Variants in UNC13A observed in about 807,000 individuals in gnomAD.
UNC13A encodes the protein protein unc-13 homolog A.
A neutral mutation model predicts 219.7 loss-of-function variants in UNC13A; 61 were observed. That is an observed-to-expected ratio of 0.28 (90% CI 0.23 to 0.34). The LOEUF (loss-of-function observed/expected upper bound fraction) is 0.34, where lower values mean the gene tolerates loss of function less well. Ranked by LOEUF, UNC13A falls within the 10% of genes least tolerant of loss-of-function variation. UNC13A has a pLI of 1.00. For synonymous variants in UNC13A, 920 were observed against 884.6 expected (o/e 1.04, Z -0.71); for missense variants, 1,476 against 2,270.3 (o/e 0.65, Z 7.11).
chr19:17,606,195 G>A lies in UNC13A; in HGVS notation c.4971C>T (p.Arg1657=). Residue 1657 remains arginine (R), a synonymous_variant, in exon 44 of 44, where the codon CGC becomes CGT. Coordinates refer to ENST00000519716, the MANE Select transcript of UNC13A (RefSeq NM_001080421.3). The part of the protein sequence containing the change: ...GSAACWLPLG[R]RIHMDDTGLT... ...GGCCCGTGTCGTCCATGTGGATGCG[G>A]CGGCCGAGCGGCAGCCAGCAGGCGG... The A allele has an allele frequency of 6.4e-7, 1 of 1,552,568 alleles. No homozygotes were observed. The highest frequency in any genetic ancestry group is 8.7e-7 in the Non-Finnish European group (1 of 1,151,188).
rs1222988297 is a variant in UNC13A, at chr19:17,603,657, T to A, written c.*2397A>T. 1 of 152,254 alleles carries A rather than the reference T, an allele frequency of 6.6e-6. No homozygotes were observed. The highest frequency in any genetic ancestry group is 1.9e-4 in the East Asian group (1 of 5,206). 9.4% of individuals were successfully genotyped at this position (152,254 alleles called of 1,614,324 possible). A position where few individuals can be genotyped will look rare whatever the true frequency, so the allele number is the denominator to read the frequency against. ...CTTCCAGACACTTGGGCCATTCACATGTCGGGAAACCAACGTCACAAACAT... is the reference window on the plus strand; with the variant it reads ...CTTCCAGACACTTGGGCCATTCACAAGTCGGGAAACCAACGTCACAAACAT... On this transcript the variant is annotated 3_prime_UTR_variant, in exon 44 of 44. Coordinates refer to ENST00000519716, the MANE Select transcript of UNC13A (RefSeq NM_001080421.3).
At chr19:17,660,707 T>A (rs1304726821) in intron 8 of UNC13A, among the ~76,000 whole-genome samples, 1 of 151,876 alleles carries the variant, frequency 6.6e-6, no homozygotes, top group East Asian at 1.9e-4. Flanking sequence ...AATTTTTGTA[T>A]TTTTAGTAGA....
chr19:17,611,679 CAAAA>C (rs1568498501), intron 42 of UNC13A, 80 bp downstream of exon 42: 1 of 1,281,824 alleles, frequency 7.8e-7, no homozygotes, highest in African/African-American at 1.5e-5. Flanking sequence ...ACAACAACAA[CAAAA>C]AAAGGGTGTT....
chr19:17,620,045 C>T (rs1156842298), intron 38 of UNC13A, among the ~76,000 whole-genome samples: 3 of 152,326 alleles, frequency 2.0e-5, no homozygotes, highest in South Asian at 2.1e-4. Context: ...CTAAGGGAGA[C>T]GGGGTCCCAG....
chr19:17,620,535 C>A (rs1026134678), intron 38 of UNC13A, among the ~76,000 whole-genome samples, 158 bp downstream of exon 38: 1 of 151,826 alleles, frequency 6.6e-6, no homozygotes, highest in Non-Finnish European at 1.5e-5. Context: ...CCCACCACCC[C>A]CCACGAGCAA....
chr19:17,668,216 C>G (rs1020454146), intron 5 of UNC13A, 26 bp from the exon 6 acceptor site: 23 of 1,605,456 alleles, frequency 1.4e-5, no homozygotes, highest in Non-Finnish European at 1.9e-5. Flanking sequence ...TGTCTGTGAG[C>G]CTGGAAGACC....
chr19:17,674,318 C>T lies in UNC13A; in HGVS notation c.152+339G>A, dbSNP rs1430967553. Among the ~76,000 whole-genome samples the T allele has an allele frequency of 6.6e-6, 1 of 152,130 alleles. No individual in the cohort carries two copies. The highest frequency in any genetic ancestry group is 6.6e-5 in the Admixed American group (1 of 15,266). The stretch of plus-strand genomic sequence containing the variant: ...GTTTTATTGTGAGGTCGATGAGCCA[C>T]GGACAAGTTTGGAACATGGGAGCGA... On this transcript the variant is annotated intron_variant, in intron 3 of 43. Transcript: ENST00000519716. The surrounding 1 kb of genome is among the most constrained non-coding windows in gnomAD (Gnocchi z 5.0).
At chr19:17,651,133 T>C (rs1281908505) in intron 12 of UNC13A, among the ~76,000 whole-genome samples, 1 of 151,756 alleles carries the variant, frequency 6.6e-6, no homozygotes, top group African/African-American at 2.4e-5. Context: ...GATATGGGGT[T>C]TCACCATGTT....
chr19:17,659,562 G>A (rs191445674), intron 8 of UNC13A, among the ~76,000 whole-genome samples: 15 of 152,330 alleles, frequency 9.8e-5, no homozygotes, highest in Admixed American at 9.2e-4. Context: ...GAGCCCAGGA[G>A]TTCAAGATCA....
At position 17,649,120 on chromosome 19, in the gene UNC13A, C is replaced by A; in HGVS notation, c.1525-137G>T. The A allele has an allele frequency of 8.5e-7, 1 of 1,182,266 alleles. No individual in the cohort carries two copies. 73.2% of individuals were successfully genotyped at this position (1,182,266 alleles called of 1,614,324 possible). On this transcript the variant is annotated intron_variant, in intron 14 of 43. Transcript: ENST00000519716. The surrounding 1 kb of genome is among the most constrained non-coding windows in gnomAD (Gnocchi z 4.4). ...CAAGTTGGAAACAGGTCACCGACAGCATCCGGGCCAGACCCAACAAAGAAT... is the reference window on the plus strand; with the variant it reads ...CAAGTTGGAAACAGGTCACCGACAGAATCCGGGCCAGACCCAACAAAGAAT...
intron 31 of UNC13A, among the ~76,000 whole-genome samples, chr19:17,628,704 G>T (rs1043069384): frequency 2.0e-5 from 3 of 152,056 alleles, no homozygotes; most frequent in African/African-American, 7.2e-5. Flanking sequence ...GATGAAACAT[G>T]GCTAGATACC....
rs1714748162 is a variant in UNC13A, at chr19:17,605,524, G to A, written c.*530C>T. On this transcript the variant is annotated 3_prime_UTR_variant, in exon 44 of 44. Transcript: ENST00000519716. ...ATATCTAAAGGGACTCCGGTATTCCGGGGCCCTCCAACCAGCATCCTGGTC... is the reference window on the plus strand; with the variant it reads ...ATATCTAAAGGGACTCCGGTATTCCAGGGCCCTCCAACCAGCATCCTGGTC... 6.5e-6 allele frequency: 1 copy of A among 152,924 alleles called. No homozygotes were observed. The highest frequency in any genetic ancestry group is 2.4e-5 in the African/African-American group (1 of 41,350). The allele number at this position is 152,924 out of a possible 1,614,324, so 9.5% of individuals were successfully genotyped here. A position where few individuals can be genotyped will look rare whatever the true frequency, so the allele number is the denominator to read the frequency against.
intron 26 of UNC13A, among the ~76,000 whole-genome samples, chr19:17,635,653 G>A (rs1436945603): frequency 2.0e-5 from 3 of 151,960 alleles, no homozygotes; most frequent in African/African-American, 7.3e-5. Context: ...ATACATATAA[G>A]ATATAATGCA....
At chr19:17,661,868 T>C (rs1019847119) in intron 8 of UNC13A, among the ~76,000 whole-genome samples, 13 of 152,084 alleles carry the variant, frequency 8.5e-5, no homozygotes, top group Non-Finnish European at 1.8e-4. Flanking sequence ...GAGTGAAGTT[T>C]CATCTGTATT....
At chr19:17,687,028 C>A (rs1247390623) in intron 1 of UNC13A, among the ~76,000 whole-genome samples, 1 of 152,176 alleles carries the variant, frequency 6.6e-6, no homozygotes, top group Non-Finnish European at 1.5e-5. Flanking sequence ...GACCCCAGTC[C>A]TTAAGAACCA....
rs1442699046 is a variant in UNC13A, at chr19:17,604,196, G to GT, written c.*1857dup. 1 of 152,126 alleles carries GT rather than the reference G, an allele frequency of 6.6e-6. No individual in the cohort carries two copies. Among genetic ancestry groups the GT allele is most frequent in the Non-Finnish European group, 1.5e-5 (1 of 68,048 alleles). 9.4% of individuals were successfully genotyped at this position (152,126 alleles called of 1,614,324 possible). ...CCTCCACCTCTCCTCACTGGTTTTAGTCTTCACAAAACAGCTTTTGCAGGC... is the reference window on the plus strand; with the variant it reads ...CCTCCACCTCTCCTCACTGGTTTTAGTTCTTCACAAAACAGCTTTTGCAGGC... On this transcript the variant is annotated 3_prime_UTR_variant, in exon 44 of 44. Transcript: ENST00000519716.
chr19:17,647,721 C>T (rs1332911056), intron 16 of UNC13A, among the ~76,000 whole-genome samples: 2 of 151,748 alleles, frequency 1.3e-5, no homozygotes, highest in African/African-American at 4.8e-5. Context: ...CCCTTCTCTG[C>T]CCCGCACCCC....
Position 17,620,876 on chromosome 19 carries a change from G to A in UNC13A, c.4243-154C>T, listed in dbSNP as rs1383532090. ...TAATGGTGGGCCCCCTCCCCAGCTA[G>A]CACCTCCTCTGGTCCCCTAGCAGGG... is the stretch of plus-strand genomic sequence containing the variant. On this transcript the variant is annotated intron_variant, in intron 37 of 43. Transcript: ENST00000519716. Among the ~76,000 whole-genome samples, 8 of 152,144 alleles carry A rather than the reference G, an allele frequency of 5.3e-5. No individual in the cohort carries two copies. In the East Asian group the frequency reaches 1.5e-3, roughly 29 times the overall value.
In UNC13A at chr19:17,618,453, C is replaced by T. The variant is rs747635066; in HGVS notation, c.4378G>A (p.Ala1460Thr). The T allele has an allele frequency of 4.0e-5, 64 of 1,591,954 alleles. No homozygotes were observed. Among genetic ancestry groups the T allele is most frequent in the Non-Finnish European group, 5.3e-5 (62 of 1,169,026 alleles). Reference sequence around the variant, plus strand: ...GTGTCCAGGGCCAACTCAACAACCGCGCACTGCTTTGGGGTCAAGCTCTTG... The same window carrying T: ...GTGTCCAGGGCCAACTCAACAACCGTGCACTGCTTTGGGGTCAAGCTCTTG... Reference protein sequence around the residue: ...EAKSLTPKQCAVVELALDTIK... With the variant: ...EAKSLTPKQCTVVELALDTIK... The change falls in exon 40 of 44, where the codon GCG (alanine) becomes ACG (threonine). Residue 1460 changes from alanine to threonine, a missense_variant. This residue lies in a region of UNC13A where 75 missense variants were observed against 100.2 expected (regional missense o/e 0.75). Coordinates refer to ENST00000519716, the MANE Select transcript of UNC13A (RefSeq NM_001080421.3).
Sources: allele counts gnomAD v4.1 joint callset (sites outside exome capture counted in the v4.1 genomes callset), GRCh38; gene constraint gnomAD v4.1.1; regional missense constraint gnomAD v4.1.1; non-coding constraint Gnocchi (gnomAD v3.1); transcripts MANE v1.5; gene names NCBI Gene and HGNC (gene_info 2026-07-23, HGNC 2026-07-21).